USP15: variants seen among roughly 807,000 people sequenced by gnomAD.
The protein encoded by USP15 is ubiquitin carboxyl-terminal hydrolase 15.
USP15 carries 18 observed loss-of-function variants against 127.1 expected under a neutral mutation model. The ratio of observed to expected loss-of-function variants is 0.14; its 90% CI spans 0.10 to 0.21. The LOEUF is 0.21. USP15 is among the 10% of genes least tolerant of loss of function. The pLI is 1.00. For missense variants in USP15, 805 were observed against 1,159.9 expected (o/e 0.69, Z 4.44); for synonymous variants, 364 against 393.7 (o/e 0.92, Z 0.89).
intron 8 of USP15, among the ~76,000 whole-genome samples, chr12:62,357,817 G>A (rs1374328675): frequency 3.3e-5 from 5 of 152,024 alleles, no homozygotes; most frequent in Admixed American, 1.3e-4. Context: ...CTCTCGAGCT[G>A]AAAATTGACT....
chr12:62,271,444 G>A (rs922981732), intron 1 of USP15, among the ~76,000 whole-genome samples: 12 of 151,902 alleles, frequency 7.9e-5, no homozygotes, highest in Admixed American at 3.9e-4. Context: ...ATAGATGCTC[G>A]TTATTATTCG....
In USP15 at chr12:62,378,713, G is replaced by T. The variant is rs543022289; in HGVS notation, c.916-2777G>T. On this transcript the variant is annotated intron_variant, in intron 8 of 21. Coordinates refer to ENST00000280377, the MANE Select transcript of USP15 (RefSeq NM_001252078.2). Reference sequence around the variant, plus strand: ...ATCAGACAAAGGGGCAGAAAAATTTGTACTGCCCGTATGGTTTAGTATTAG... The same window carrying T: ...ATCAGACAAAGGGGCAGAAAAATTTTTACTGCCCGTATGGTTTAGTATTAG... 1.8e-3 allele frequency among the ~76,000 whole-genome samples: 269 copies of T among 152,228 alleles called. 1 individual carries two copies. The highest frequency in any genetic ancestry group is 6.4e-3 in the African/African-American group (265 of 41,538).
At chr12:62,268,306 C>T (rs2063248872) in intron 1 of USP15, among the ~76,000 whole-genome samples, 1 of 152,098 alleles carries the variant, frequency 6.6e-6, no homozygotes, top group East Asian at 1.9e-4. Flanking sequence ...TCTAAGTGTA[C>T]TGCCTGCCTA....
At chr12:62,336,273 A>C (rs1298092150) in intron 6 of USP15, 4 of 985,296 alleles carry the variant, frequency 4.1e-6, no homozygotes, top group Non-Finnish European at 4.8e-6. Context: ...GATTTTTCAT[A>C]AATTTCATGT....
intron 6 of USP15, among the ~76,000 whole-genome samples, chr12:62,332,643 T>C (rs1037379816): frequency 6.6e-6 from 1 of 152,154 alleles, no homozygotes; most frequent in Admixed American, 6.5e-5. Flanking sequence ...ATAAGAGTCA[T>C]TGATGATTTT....
At chr12:62,299,302 G>T (rs1162460731) in intron 2 of USP15, among the ~76,000 whole-genome samples, 2 of 152,054 alleles carry the variant, frequency 1.3e-5, no homozygotes, top group Admixed American at 6.6e-5. Context: ...TTGAGATGGG[G>T]TTTCACCACG....
intron 8 of USP15, among the ~76,000 whole-genome samples, chr12:62,361,778 T>G (rs1476155774): frequency 6.6e-6 from 1 of 152,008 alleles, no homozygotes; most frequent in African/African-American, 2.4e-5. Flanking sequence ...AAGCAGCTCA[T>G]TTTTTTGATG....
chr12:62,316,727 C>G (rs2064841559), intron 4 of USP15, among the ~76,000 whole-genome samples: 1 of 151,940 alleles, frequency 6.6e-6, no homozygotes, highest in Admixed American at 6.6e-5. Context: ...CATTATTATA[C>G]TAGGTATTTT....
At chr12:62,261,746 G>A (rs1264250595) in intron 1 of USP15, among the ~76,000 whole-genome samples, 5 of 152,082 alleles carry the variant, frequency 3.3e-5, no homozygotes, top group African/African-American at 1.2e-4. Flanking sequence ...CCTGACAAAA[G>A]GCTGTGATAT....
At chr12:62,386,208 A>T (rs765965565) in intron 11 of USP15, among the ~76,000 whole-genome samples, 1 of 151,046 alleles carries the variant, frequency 6.6e-6, no homozygotes, top group African/African-American at 2.4e-5. Context: ...GGCAGTAACA[A>T]CTCAAATACA....
intron 8 of USP15, among the ~76,000 whole-genome samples, chr12:62,380,395 C>T (rs1057067031): frequency 9.2e-5 from 14 of 151,888 alleles, no homozygotes; most frequent in Non-Finnish European, 1.6e-4. Flanking sequence ...AGTATATAGT[C>T]GTAGTTTATG....
In USP15 at chr12:62,301,564, G is replaced by T. The variant is rs867475113; in HGVS notation, c.218-1226G>T. Among the ~76,000 whole-genome samples, 8 of 151,974 alleles carry T rather than the reference G, an allele frequency of 5.3e-5. No homozygotes were observed. The South Asian group carries it at 8.3e-4, about 16-fold the overall frequency. On this transcript the variant is annotated intron_variant, in intron 2 of 21. Coordinates refer to ENST00000280377, the MANE Select transcript of USP15 (RefSeq NM_001252078.2). ...GGATAGATCTCAAAATAATTACATG[G>T]CATGAACAAAGCCAAACAAAAAAGA...
intron 4 of USP15, among the ~76,000 whole-genome samples, chr12:62,318,573 C>T (rs1261167106): frequency 6.6e-6 from 1 of 152,128 alleles, no homozygotes; most frequent in African/African-American, 2.4e-5. Context: ...GCCCTCCTTT[C>T]CTTGGTGATT....
chr12:62,289,732 T>TGC (rs1442225290), intron 1 of USP15, among the ~76,000 whole-genome samples: 2 of 151,820 alleles, frequency 1.3e-5, no homozygotes, highest in East Asian at 1.9e-4. Flanking sequence ...TGTGTGTGTG[T>TGC]GTGTGTTTAG....
intron 2 of USP15, among the ~76,000 whole-genome samples, chr12:62,300,131 G>C (rs1461587650): frequency 6.6e-6 from 1 of 151,912 alleles, no homozygotes. Flanking sequence ...GACCTTTGAA[G>C]CACAAAAGTT....
intron 1 of USP15, among the ~76,000 whole-genome samples, chr12:62,268,410 C>T (rs1199561184): frequency 2.6e-5 from 4 of 152,098 alleles, no homozygotes; most frequent in Non-Finnish European, 1.5e-5. Flanking sequence ...CTTTGTAATA[C>T]TTGTTAAACA....
chr12:62,347,596 G>T (rs1424952908), intron 6 of USP15, among the ~76,000 whole-genome samples: 2 of 151,774 alleles, frequency 1.3e-5, no homozygotes, highest in East Asian at 3.9e-4. Flanking sequence ...TTAATGTGGA[G>T]GCAAAAATGC....
At chr12:62,268,914 A>G (rs549891934) in intron 1 of USP15, among the ~76,000 whole-genome samples, 64 of 151,054 alleles carry the variant, frequency 4.2e-4, no homozygotes, top group Non-Finnish European at 8.4e-4. Context: ...TCTCTCCCAA[A>G]CTCCTCTGTT....
At chr12:62,283,162 TA>T (rs2063698225) in intron 1 of USP15, among the ~76,000 whole-genome samples, 1 of 152,224 alleles carries the variant, frequency 6.6e-6, no homozygotes, top group East Asian at 1.9e-4. Flanking sequence ...AAGGGGCAGA[TA>T]ACCCGTTACA....
Sources: allele counts gnomAD v4.1 joint callset (sites outside exome capture counted in the v4.1 genomes callset), GRCh38; gene constraint gnomAD v4.1.1; transcripts MANE v1.5; gene names NCBI Gene and HGNC (gene_info 2026-07-23, HGNC 2026-07-21).